Variants in PRKG2 observed in about 807,000 individuals in gnomAD.
PRKG2 encodes cGMP-dependent protein kinase 2.
PRKG2 carries 33 observed loss-of-function variants against 97.2 expected under a neutral mutation model. That is an observed-to-expected ratio of 0.34 (90% CI 0.26 to 0.45). The LOEUF (loss-of-function observed/expected upper bound fraction) is 0.45. Among genes scored for constraint, PRKG2 ranks in the 20% least tolerant of loss-of-function variants. The pLI, the probability that PRKG2 is intolerant of heterozygous loss-of-function variation, is 1.00. For synonymous variants in PRKG2, 330 were observed against 321.8 expected (o/e 1.03, Z -0.27); for missense variants, 638 against 900.0 (o/e 0.71, Z 3.73).
At chr4:81,203,349 T>G (rs2110128162) in intron 2 of PRKG2, among the ~76,000 whole-genome samples, 1 of 152,266 alleles carries the variant, frequency 6.6e-6, no homozygotes, top group African/African-American at 2.4e-5. Context: ...CATCACTAAC[T>G]TCCTTCACAA....
chr4:81,189,066 TA>T lies in PRKG2; in HGVS notation c.462-14108del. ...AAAAAAAAAAGATTAAAAAAAATAA[TA>T]AAAAAAAAAAAAAAAAAAAAAAAAA... On this transcript the variant is annotated intron_variant, in intron 2 of 18. Transcript: ENST00000264399. 8.6e-3 allele frequency among the ~76,000 whole-genome samples: 147 copies of T among 17,046 alleles called. 1 individual carries two copies. Among genetic ancestry groups the T allele is most frequent in the Non-Finnish European group, 9.2e-3 (119 of 12,984 alleles). The allele number at this position is 17,046 out of a possible 152,430, so 11.2% of individuals were successfully genotyped here. A position where few individuals can be genotyped will look rare whatever the true frequency, so the allele number is the denominator to read the frequency against.
In PRKG2 at chr4:81,169,772, T is replaced by C. The variant is rs1013508351; in HGVS notation, c.743-4A>G. The C allele has an allele frequency of 1.9e-6, 3 of 1,573,586 alleles. No homozygotes were observed. Among genetic ancestry groups the C allele is most frequent in the Admixed American group, 1.8e-5 (1 of 54,788 alleles). On this transcript the variant is annotated splice_polypyrimidine_tract_variant and splice_region_variant and intron_variant, in intron 4 of 18. Coordinates refer to ENST00000264399, the MANE Select transcript of PRKG2 (RefSeq NM_006259.3). The stretch of plus-strand genomic sequence containing the variant: ...CATGTTTTAACATTGGTAATAGCTT[T>C]AGAAAATTCAAGAAAACAATAAAAC...
intron 14 of PRKG2, among the ~76,000 whole-genome samples, chr4:81,119,493 C>T (rs1480141968): frequency 1.3e-5 from 2 of 152,104 alleles, no homozygotes; most frequent in Admixed American, 6.5e-5. Context: ...GTCAATTCCA[C>T]ACTGTCTTCA....
chr4:81,125,852 G>A (rs937517607), intron 14 of PRKG2, among the ~76,000 whole-genome samples: 3 of 151,918 alleles, frequency 2.0e-5, no homozygotes, highest in African/African-American at 7.3e-5. Context: ...ACTTACTGAC[G>A]ATTTCTATAT....
chr4:81,203,677 GAA>G (rs1310786244), intron 2 of PRKG2, among the ~76,000 whole-genome samples: 1 of 152,044 alleles, frequency 6.6e-6, no homozygotes, highest in Non-Finnish European at 1.5e-5. Flanking sequence ...CCCTGACCCA[GAA>G]AATCAAACTT....
chr4:81,205,012 C>T lies in PRKG2; in HGVS notation c.36G>A (p.Lys12=). 6.2e-7 allele frequency: 1 copy of T among 1,612,770 alleles called. No homozygotes were observed. The highest frequency in any genetic ancestry group is 8.5e-7 in the Non-Finnish European group (1 of 1,179,474). ...GGTTCCCAGAGTGTCCATCTGGGTGCTTAGAATGTTTAGGTTTCACTGAAC... is the reference window on the plus strand; with the variant it reads ...GGTTCCCAGAGTGTCCATCTGGGTGTTTAGAATGTTTAGGTTTCACTGAAC... ...GNGSVKPKHS[K]HPDGHSGNLT... Residue 12 remains lysine, a synonymous_variant, in exon 2 of 19, where the codon AAG becomes AAA. Coordinates refer to ENST00000264399, the MANE Select transcript of PRKG2 (RefSeq NM_006259.3).
At chr4:81,161,010 A>C (rs1749554826) in intron 6 of PRKG2, among the ~76,000 whole-genome samples, 1 of 152,198 alleles carries the variant, frequency 6.6e-6, no homozygotes, top group South Asian at 2.1e-4. Context: ...AACTAACCAC[A>C]TAATTGCTCT....
chr4:81,157,849 T>G (rs1212211778), intron 6 of PRKG2, among the ~76,000 whole-genome samples: 1 of 149,208 alleles, frequency 6.7e-6, no homozygotes, highest in Non-Finnish European at 1.5e-5. Flanking sequence ...TCTCAATAGA[T>G]GCAGAAAAGG....
intron 14 of PRKG2, among the ~76,000 whole-genome samples, chr4:81,125,827 A>G (rs1745494582): frequency 6.6e-6 from 1 of 152,170 alleles, no homozygotes; most frequent in South Asian, 2.1e-4. Context: ...CATTTCCTTG[A>G]TGCCTACTGA....
chr4:81,116,780 AT>A (rs1350994072), intron 14 of PRKG2, among the ~76,000 whole-genome samples: 2 of 151,154 alleles, frequency 1.3e-5, no homozygotes, highest in African/African-American at 2.4e-5. Context: ...GATGTTGAGC[AT>A]TTTTTTCATA....
chr4:81,099,427 T>C (rs1742479419), intron 17 of PRKG2, among the ~76,000 whole-genome samples: 1 of 152,168 alleles, frequency 6.6e-6, no homozygotes, highest in Non-Finnish European at 1.5e-5. Flanking sequence ...TCAATAAACA[T>C]AATCCAGCAT....
Position 81,175,735 on chromosome 4 carries a change from A to G in PRKG2, c.462-776T>C, listed in dbSNP as rs568350654. Reference sequence around the variant, plus strand: ...CAAATCCAAGTTCTACTTGCTGATAATCCTATAATGCTCTGCTTTATTTTG... The same window carrying G: ...CAAATCCAAGTTCTACTTGCTGATAGTCCTATAATGCTCTGCTTTATTTTG... On this transcript the variant is annotated intron_variant, in intron 2 of 18. Coordinates refer to ENST00000264399, the MANE Select transcript of PRKG2 (RefSeq NM_006259.3). The G allele has an allele frequency of 2.0e-5, 3 of 152,190 alleles. No homozygotes were observed. In the South Asian group the frequency reaches 6.2e-4, roughly 32 times the overall value. The allele number at this position is 152,190 out of a possible 1,614,324, so 9.4% of individuals were successfully genotyped here. A position where few individuals can be genotyped will look rare whatever the true frequency, so the allele number is the denominator to read the frequency against.
intron 9 of PRKG2, among the ~76,000 whole-genome samples, chr4:81,144,771 T>C (rs1215550006): frequency 1.1e-5 from 1 of 93,276 alleles, no homozygotes; most frequent in Admixed American, 1.7e-4. Flanking sequence ...CCCCACCCCA[T>C]GACAGGCCCC....
In PRKG2 at chr4:81,104,326, C is replaced by T. The variant is rs776985143; in HGVS notation, c.2126+44G>A. On this transcript the variant is annotated intron_variant, in intron 17 of 18. Coordinates refer to ENST00000264399, the MANE Select transcript of PRKG2 (RefSeq NM_006259.3). ...AAGCTTTTGCAAGTACCACATTGTT[C>T]TCTAAATTTCTATATTTTTCTGGGC... 22 of 1,410,060 alleles carry T rather than the reference C, an allele frequency of 1.6e-5. No homozygotes were observed. The South Asian group carries it at 2.2e-4, about 14-fold the overall frequency. The allele number at this position is 1,410,060 out of a possible 1,614,324, so 87.3% of individuals were successfully genotyped here.
intron 3 of PRKG2, chr4:81,173,801 G>C (rs1750690200): frequency 6.6e-6 from 1 of 151,950 alleles, no homozygotes; most frequent in Admixed American, 6.6e-5. Context: ...AAAGGAACAA[G>C]AATAAAAGCA....
intron 14 of PRKG2, among the ~76,000 whole-genome samples, chr4:81,112,460 A>AC (rs1186078644): frequency 6.6e-6 from 1 of 152,210 alleles, no homozygotes; most frequent in Non-Finnish European, 1.5e-5. Flanking sequence ...GTTGGTTTAT[A>AC]ACAGACTTTT....
intron 2 of PRKG2, among the ~76,000 whole-genome samples, chr4:81,189,534 T>A (rs1752278859): frequency 6.7e-6 from 1 of 149,632 alleles, no homozygotes; most frequent in Non-Finnish European, 1.5e-5. Context: ...CACCGCGTAT[T>A]CTCACTCATA....
chr4:81,156,240 C>T (rs1312901125), intron 6 of PRKG2, among the ~76,000 whole-genome samples: 2 of 151,940 alleles, frequency 1.3e-5, no homozygotes, highest in Non-Finnish European at 2.9e-5. Context: ...GGAAGATCTA[C>T]CAAGCAAATG....
intron 2 of PRKG2, among the ~76,000 whole-genome samples, chr4:81,193,908 G>C: frequency 6.6e-6 from 1 of 152,164 alleles, no homozygotes; most frequent in Middle Eastern, 3.4e-3. Flanking sequence ...ATTGAAGGAG[G>C]CCACTTCAAA....
Sources: gnomAD v4.1 joint callset for allele counts (sites outside exome capture counted in the v4.1 genomes callset) on GRCh38, gnomAD v4.1.1 for gene constraint, MANE v1.5 for transcripts, NCBI Gene and HGNC (gene_info 2026-07-23, HGNC 2026-07-21) for gene names.